The following CSMD1 variants were observed in gnomAD, a reference collection of about 807,000 sequenced individuals.
CSMD1 encodes CUB and Sushi multiple domains 1.
CSMD1 carries 213 observed loss-of-function variants against 417.5 expected under a neutral mutation model. The observed-to-expected ratio is 0.51, with a 90% CI of 0.46 to 0.57. CSMD1 has a LOEUF of 0.57. Among genes scored for constraint, CSMD1 ranks in the 20% least tolerant of loss-of-function variants. CSMD1 has a pLI of 0.00. For missense variants in CSMD1, 6,923 were observed against 4,529.7 expected (o/e 1.53, Z -15.17); for synonymous variants, 2,862 against 1,736.8 (o/e 1.65, Z -16.11).
At chr8:3,463,045 C>G (rs1816607706) in intron 12 of CSMD1, among the ~76,000 whole-genome samples, 1 of 152,208 alleles carries the variant, frequency 6.6e-6, no homozygotes, top group African/African-American at 2.4e-5. Flanking sequence ...ACGGTCCTCA[C>G]CAGACACCAA....
intron 3 of CSMD1, among the ~76,000 whole-genome samples, chr8:4,142,082 C>G (rs1468658741): frequency 6.6e-6 from 1 of 151,108 alleles, no homozygotes; most frequent in Non-Finnish European, 1.5e-5. Flanking sequence ...TAACTCCATA[C>G]TGGAACATTC....
intron 1 of CSMD1, among the ~76,000 whole-genome samples, chr8:4,986,852 C>A (rs1305243430): frequency 6.6e-6 from 1 of 152,084 alleles, no homozygotes; most frequent in Non-Finnish European, 1.5e-5. Flanking sequence ...TCAGTGTGAG[C>A]TAAATGGTCT....
intron 3 of CSMD1, among the ~76,000 whole-genome samples, chr8:4,212,514 A>C (rs1800375632): frequency 1.3e-5 from 2 of 152,100 alleles, no homozygotes; most frequent in Non-Finnish European, 2.9e-5. Context: ...TATTTAGATT[A>C]GACATTATAA....
chr8:3,137,180 G>C (rs1246363540), intron 41 of CSMD1, among the ~76,000 whole-genome samples: 3 of 152,176 alleles, frequency 2.0e-5, no homozygotes. Context: ...TAAAGGGCTA[G>C]AGAACACTAG....
chr8:3,337,951 C>G (rs1318639734), intron 23 of CSMD1, among the ~76,000 whole-genome samples: 1 of 152,164 alleles, frequency 6.6e-6, no homozygotes, highest in African/African-American at 2.4e-5. Flanking sequence ...GCTAGGTTTT[C>G]CCTAATGAGC....
intron 5 of CSMD1, among the ~76,000 whole-genome samples, chr8:3,973,586 G>C (rs778250260): frequency 1.1e-4 from 17 of 151,958 alleles, no homozygotes; most frequent in Non-Finnish European, 2.1e-4. Flanking sequence ...AAAAAAGAAG[G>C]AAAAAAGGGA....
intron 23 of CSMD1, among the ~76,000 whole-genome samples, chr8:3,341,406 G>A (rs1357989416): frequency 1.3e-5 from 2 of 152,170 alleles, no homozygotes; most frequent in African/African-American, 4.8e-5. Flanking sequence ...ATCACCATGA[G>A]AAAATGAGAC....
At chr8:3,341,396 A>G (rs1807632113) in intron 23 of CSMD1, among the ~76,000 whole-genome samples, 3 of 152,182 alleles carry the variant, frequency 2.0e-5, no homozygotes, top group Non-Finnish European at 4.4e-5. Flanking sequence ...TACTTTTTGC[A>G]TCACCATGAG....
intron 2 of CSMD1, among the ~76,000 whole-genome samples, chr8:4,629,998 T>A (rs1336428069): frequency 1.3e-5 from 2 of 152,070 alleles, no homozygotes; most frequent in African/African-American, 4.8e-5. Flanking sequence ...TACAAATGCC[T>A]AAAATACTTC....
chr8:2,994,344 G>C (rs1234808650), intron 54 of CSMD1, among the ~76,000 whole-genome samples: 4 of 152,196 alleles, frequency 2.6e-5, no homozygotes, highest in South Asian at 4.1e-4. Context: ...CATTTTCAGA[G>C]TAACATTGCC....
intron 50 of CSMD1, among the ~76,000 whole-genome samples, chr8:3,042,552 G>A (rs2128984510): frequency 6.6e-6 from 1 of 152,236 alleles, no homozygotes; most frequent in Middle Eastern, 3.4e-3. Context: ...AAGCGGGACG[G>A]GCACTTTACG....
chr8:3,305,561 A>C (rs2117371220), intron 25 of CSMD1, among the ~76,000 whole-genome samples: 1 of 151,234 alleles, frequency 6.6e-6, no homozygotes, highest in East Asian at 1.9e-4. Context: ...CTCTGTCTCT[A>C]GTGTACTTCC....
intron 12 of CSMD1, among the ~76,000 whole-genome samples, chr8:3,429,810 T>G (rs1278816671): frequency 1.3e-5 from 2 of 152,130 alleles, no homozygotes; most frequent in East Asian, 1.9e-4. Flanking sequence ...TATAATAAAT[T>G]ACAGATAGTC....
At chr8:3,063,867 G>C (rs144784874) in intron 49 of CSMD1, among the ~76,000 whole-genome samples, 3 of 152,182 alleles carry the variant, frequency 2.0e-5, no homozygotes, top group Middle Eastern at 3.4e-3. Flanking sequence ...TTTCAGTTTT[G>C]CAAGTTAGAA....
chr8:3,493,160 G>A (rs930847188), intron 11 of CSMD1, among the ~76,000 whole-genome samples: 3 of 151,856 alleles, frequency 2.0e-5, no homozygotes, highest in African/African-American at 7.3e-5. Flanking sequence ...CTGGCATGAT[G>A]GCACACACCT....
Position 3,858,926 on chromosome 8 carries a change from G to C in CSMD1, c.819-104884C>G, listed in dbSNP as rs551318891. On this transcript the variant is annotated intron_variant, in intron 5 of 69. Transcript: ENST00000635120. Reference sequence around the variant, plus strand: ...ATTTTACAAATGGATTTGGCGAGTTGGTTGAAGTCAGTTTCAGCAGTGGAA... The same window carrying C: ...ATTTTACAAATGGATTTGGCGAGTTCGTTGAAGTCAGTTTCAGCAGTGGAA... Among the ~76,000 whole-genome samples, 155 of 152,226 alleles carry C rather than the reference G, an allele frequency of 1.0e-3. 1 individual carries two copies. Among genetic ancestry groups the C allele is most frequent in the African/African-American group, 1.1e-3 (45 of 41,546 alleles).
chr8:3,228,921 C>A (rs183045364), intron 27 of CSMD1, among the ~76,000 whole-genome samples: 2 of 152,030 alleles, frequency 1.3e-5, no homozygotes, highest in Non-Finnish European at 2.9e-5. Flanking sequence ...TTGAGTAAAA[C>A]GCGTGACTGT....
intron 3 of CSMD1, among the ~76,000 whole-genome samples, chr8:4,241,727 G>A (rs1007390798): frequency 1.1e-4 from 16 of 150,398 alleles, no homozygotes; most frequent in Non-Finnish European, 1.8e-4. Context: ...TTTTTGAGAC[G>A]GAGTCTCGCT....
intron 2 of CSMD1, among the ~76,000 whole-genome samples, chr8:4,455,097 G>C (rs1269106312): frequency 6.6e-6 from 1 of 152,064 alleles, no homozygotes; most frequent in Non-Finnish European, 1.5e-5. Context: ...TTTTTCTTAA[G>C]GTCTGACACG....
Sources: allele counts gnomAD v4.1 joint callset (sites outside exome capture counted in the v4.1 genomes callset), GRCh38; gene constraint gnomAD v4.1.1; transcripts MANE v1.5; gene names NCBI Gene and HGNC (gene_info 2026-07-23, HGNC 2026-07-21).